Variants in TEX15 observed in about 807,000 individuals in gnomAD.
TEX15 encodes testis-expressed protein 15.
In TEX15, 171 loss-of-function variants were observed where a neutral mutation model predicts 237.3. The observed-to-expected ratio is 0.72, with a 90% CI of 0.64 to 0.82. The LOEUF is 0.82. Ranked by LOEUF, TEX15 falls within the 40% of genes least tolerant of loss-of-function variation. The probability of loss-of-function intolerance (pLI) is 0.00; values close to 1 mark genes in which losing one functional copy is unlikely to be tolerated. For missense variants in TEX15, 3,750 were observed against 3,646.5 expected, an observed-to-expected ratio of 1.03 and a Z score of -0.73; for synonymous variants, 1,338 against 1,269.8, an observed-to-expected ratio of 1.05 and a Z score of -1.14.
chr8:30,843,930 C>A lies in TEX15; in HGVS notation c.6237G>T (p.Met2079Ile). 6.2e-7 allele frequency: 1 copy of A among 1,612,858 alleles called. No individual in the cohort carries two copies. The highest frequency in any genetic ancestry group is 1.1e-5 in the South Asian group (1 of 90,980). ...AVDTLVELQM[M>I]METIQFIENK... Reference sequence around the variant, plus strand: ...TTTCAATGAATTGAATTGTTTCCATCATCATTTGAAGTTCTACCAAAGTGT... The same window carrying A: ...TTTCAATGAATTGAATTGTTTCCATAATCATTTGAAGTTCTACCAAAGTGT... The change falls in exon 8 of 11, where the codon ATG (methionine) becomes ATT (isoleucine). Residue 2079 changes from methionine (M) to isoleucine (I), a missense_variant. Coordinates refer to ENST00000643185, the MANE Select transcript of TEX15 (RefSeq NM_001350162.2).
At chr8:30,869,637 C>T (rs1014913342) in intron 4 of TEX15, among the ~76,000 whole-genome samples, 1 of 151,936 alleles carries the variant, frequency 6.6e-6, no homozygotes, top group African/African-American at 2.4e-5. Flanking sequence ...CCTAAAGATC[C>T]TAGGATCCAC....
intron 5 of TEX15, among the ~76,000 whole-genome samples, chr8:30,860,510 C>T (rs1372778688): frequency 6.6e-6 from 1 of 151,814 alleles, no homozygotes; most frequent in Non-Finnish European, 1.5e-5. Flanking sequence ...CAATTCTCCC[C>T]CAAATTAAAC....
chr8:30,886,817 A>G (rs1366080874), intron 3 of TEX15: 1 of 162,660 alleles, frequency 6.1e-6, no homozygotes, highest in African/African-American at 2.4e-5. Flanking sequence ...TGTTGGGGGC[A>G]TCTAGTCTGA....
Position 30,874,898 on chromosome 8 carries a change from C to T in TEX15, c.302+39G>A, listed in dbSNP as rs1347823876. 11 of 1,217,866 alleles carry T rather than the reference C, an allele frequency of 9.0e-6. No individual in the cohort carries two copies. In the Admixed American group the frequency reaches 2.4e-4, roughly 27 times the overall value. The allele number at this position is 1,217,866 out of a possible 1,614,324, so 75.4% of individuals were successfully genotyped here. On this transcript the variant is annotated intron_variant, in intron 4 of 10. Coordinates refer to ENST00000643185, the MANE Select transcript of TEX15 (RefSeq NM_001350162.2). Reference sequence around the variant, plus strand: ...GCATAAAACTCCATAGTAACAAACACAACAAAATCTCAAACACGTTTAGAT... The same window carrying T: ...GCATAAAACTCCATAGTAACAAACATAACAAAATCTCAAACACGTTTAGAT...
chr8:30,836,614 T>A (rs539966604), intron 10 of TEX15, among the ~76,000 whole-genome samples, 189 bp downstream of exon 10: 1 of 152,328 alleles, frequency 6.6e-6, no homozygotes, highest in Non-Finnish European at 1.5e-5. Context: ...GACAGTTTTT[T>A]TTCTTGAATT....
rs371648639 is a variant in TEX15, at chr8:30,846,080, T to C, written c.4087A>G (p.Ile1363Val). ...CATAAAGATGCTTCATCACTTAGGA[T>C]ATTTAGGACACTCTTAATGTGCTTT... ...SEKHIKSVLN[I>V]LSDEASLCKS... is the part of the protein sequence containing the mutation. Residue 1363 changes from isoleucine (I) to valine (V), a missense_variant, in exon 8 of 11, where the codon ATC becomes GTC. Ile to Val is a conservative substitution (Grantham distance 29, BLOSUM62 3). Transcript: ENST00000643185. The C allele has an allele frequency of 1.1e-5, 17 of 1,613,462 alleles. No homozygotes were observed. Among genetic ancestry groups the C allele is most frequent in the Non-Finnish European group, 1.4e-5 (17 of 1,179,610 alleles).
At chr8:30,902,249 A>G (rs747736302) in intron 1 of TEX15, among the ~76,000 whole-genome samples, 28 of 144,232 alleles carry the variant, frequency 1.9e-4, no homozygotes, top group African/African-American at 6.4e-4. Context: ...TCCTTAATGT[A>G]TCAGGAATCT....
At position 30,847,511 on chromosome 8, in the gene TEX15, T is replaced by C. The variant is rs1414976857; in HGVS notation, c.2656A>G (p.Lys886Glu). 1 of 1,613,488 alleles carries C rather than the reference T, an allele frequency of 6.2e-7. No individual in the cohort carries two copies. Among genetic ancestry groups the C allele is most frequent in the Non-Finnish European group, 8.5e-7 (1 of 1,179,874 alleles). ...ENNIENIYGD[K>E]KQDSHTNENF... is the part of the protein sequence containing the mutation. ...TCGTTTGTATGAGAATCCTGCTTTT[T>C]GTCTCCATATATGTTCTCTATGTTG... The change falls in exon 8 of 11, where the codon AAA becomes GAA. Residue 886 changes from lysine to glutamate, a missense_variant. Coordinates refer to ENST00000643185, the MANE Select transcript of TEX15 (RefSeq NM_001350162.2).
In TEX15 at chr8:30,847,295, C is replaced by T. The variant is rs371875185; in HGVS notation, c.2872G>A (p.Gly958Arg). ...AVKQKDTENT[G>R]RSVEHLASTT... is the part of the protein sequence containing the mutation. Reference sequence around the variant, plus strand: ...GAAGCCAAATGCTCTACACTTCTTCCAGTATTTTCAGTATCTTTTTGTTTC... The same window carrying T: ...GAAGCCAAATGCTCTACACTTCTTCTAGTATTTTCAGTATCTTTTTGTTTC... The change falls in exon 8 of 11, where the codon GGA (glycine) becomes AGA (arginine). Residue 958 changes from glycine to arginine, a missense_variant. Coordinates refer to ENST00000643185, the MANE Select transcript of TEX15 (RefSeq NM_001350162.2). 4.3e-6 allele frequency: 7 copies of T among 1,613,788 alleles called. No homozygotes were observed. The African/African-American group carries it at 9.3e-5, about 22-fold the overall frequency.
intron 4 of TEX15, among the ~76,000 whole-genome samples, chr8:30,870,305 T>TC (rs1285234181): frequency 9.2e-5 from 14 of 152,054 alleles, no homozygotes; most frequent in Non-Finnish European, 1.5e-5. Flanking sequence ...TACCATACTG[T>TC]CTCATTTAAG....
In TEX15 at chr8:30,837,924, G is replaced by C. The variant is rs757249957; in HGVS notation, c.8360C>G (p.Pro2787Arg). The C allele has an allele frequency of 2.5e-6, 4 of 1,614,068 alleles. No homozygotes were observed. In the South Asian group the frequency reaches 3.3e-5, roughly 13 times the overall value. ...LPGSLLPLEN[P>R]KDTCASKSES... is the part of the protein sequence containing the mutation. ...CGACTTTGATGCGCAAGTGTCTTTT[G>C]GGTTCTCTAAGGGTAAAAGTGAGCC... Residue 2787 changes from proline (P) to arginine (R), a missense_variant, in exon 10 of 11, where the codon CCA (proline) becomes CGA (arginine). By Grantham distance (103) the Pro-to-Arg change is moderately radical. Coordinates refer to ENST00000643185, the MANE Select transcript of TEX15 (RefSeq NM_001350162.2).
chr8:30,847,013 G>A lies in TEX15; in HGVS notation c.3154C>T (p.Leu1052Phe). The A allele has an allele frequency of 2.5e-6, 4 of 1,613,016 alleles. No homozygotes were observed. Among genetic ancestry groups the A allele is most frequent in the Non-Finnish European group, 2.5e-6 (3 of 1,179,282 alleles). ...TCACTTTCCAATTCAATGCTCTGAAGAACTAAGTTCTCATTTATTGATTGA... is the reference window on the plus strand; with the variant it reads ...TCACTTTCCAATTCAATGCTCTGAAAAACTAAGTTCTCATTTATTGATTGA... ...FHQSINENLV[L>F]QSIELESEIE... Residue 1052 changes from leucine to phenylalanine, a missense_variant, in exon 8 of 11, where the codon CTT becomes TTT. Coordinates refer to ENST00000643185, the MANE Select transcript of TEX15 (RefSeq NM_001350162.2).
chr8:30,836,284 G>A (rs7827519), intron 10 of TEX15, among the ~76,000 whole-genome samples: 10,072 of 122,872 alleles, frequency 0.082, 452 homozygotes, highest in African/African-American at 0.11. Context: ...GCGGATCTCC[G>A]CTCACCACAA....
At chr8:30,900,079 A>C (rs1238011569) in intron 1 of TEX15, among the ~76,000 whole-genome samples, 1 of 152,228 alleles carries the variant, frequency 6.6e-6, no homozygotes, top group Non-Finnish European at 1.5e-5. Context: ...CATCCAAAAA[A>C]AGGTCAAAAG....
At position 30,832,695 on chromosome 8, in the gene TEX15, A is replaced by G. The variant is rs1807208447; in HGVS notation, c.*591T>C. ...TCTTCTGGAAATGGCTCTTGTAGAA[A>G]AAGGCATTGAAAGTGCTTCATTGCC... On this transcript the variant is annotated 3_prime_UTR_variant, in exon 11 of 11. Transcript: ENST00000643185. 1 of 152,226 alleles carries G rather than the reference A, an allele frequency of 6.6e-6. No homozygotes were observed. The highest frequency in any genetic ancestry group is 1.5e-5 in the Non-Finnish European group (1 of 68,018). 9.4% of individuals were successfully genotyped at this position (152,226 alleles called of 1,614,324 possible). A position where few individuals can be genotyped will look rare whatever the true frequency, so the allele number is the denominator to read the frequency against.
At chr8:30,904,581 C>G (rs189194421) in intron 1 of TEX15, among the ~76,000 whole-genome samples, 1 of 151,998 alleles carries the variant, frequency 6.6e-6, no homozygotes, top group African/African-American at 2.4e-5. Flanking sequence ...TCATAAATTT[C>G]TAACTAGGAT....
chr8:30,850,302 C>A (rs927902481), intron 7 of TEX15, among the ~76,000 whole-genome samples: 1 of 152,034 alleles, frequency 6.6e-6, no homozygotes, highest in African/African-American at 2.4e-5. Flanking sequence ...TCCTAAGAAA[C>A]CTCATGTAAT....
chr8:30,849,155 T>C lies in TEX15; in HGVS notation c.1012A>G (p.Asn338Asp). ...LNSEINPFIS[N>D]ISNSYGNVQN... Reference sequence around the variant, plus strand: ...ACATTTCCATAGGAGTTAGAAATATTTGAGATGAAAGGATTTATCTCTGAA... The same window carrying C: ...ACATTTCCATAGGAGTTAGAAATATCTGAGATGAAAGGATTTATCTCTGAA... Residue 338 changes from asparagine (N) to aspartate (D), a missense_variant, in exon 8 of 11, where the codon AAT becomes GAT. Transcript: ENST00000643185. 2 of 1,559,306 alleles carry C rather than the reference T, an allele frequency of 1.3e-6. No homozygotes were observed. Among genetic ancestry groups the C allele is most frequent in the South Asian group, 1.2e-5 (1 of 86,488 alleles).
At chr8:30,856,241 C>A (rs138353180) in intron 7 of TEX15, among the ~76,000 whole-genome samples, 1 of 151,924 alleles carries the variant, frequency 6.6e-6, no homozygotes, top group African/African-American at 2.4e-5. Context: ...CCATGGTGCC[C>A]GGCACGAAGT....
Sources: allele counts gnomAD v4.1 joint callset (sites outside exome capture counted in the v4.1 genomes callset), GRCh38; gene constraint gnomAD v4.1.1; transcripts MANE v1.5; gene names NCBI Gene and HGNC (gene_info 2026-07-23, HGNC 2026-07-21).